The following HECW2 variants were observed in gnomAD, a reference collection of about 807,000 sequenced individuals.
The protein encoded by HECW2 is E3 ubiquitin-protein ligase HECW2.
Under a neutral mutation model 175.2 loss-of-function variants are expected in HECW2, and 61 were observed. The observed-to-expected ratio is 0.35, with a 90% confidence interval of 0.28 to 0.43. The LOEUF is 0.43. Ranked by LOEUF, HECW2 falls within the 20% of genes least tolerant of loss-of-function variation. HECW2 has a pLI of 1.00. For missense variants in HECW2, 1,524 were observed against 2,000.5 expected (o/e 0.76, Z 4.54); for synonymous variants, 671 against 731.0 (o/e 0.92, Z 1.32).
At chr2:196,270,559 T>C (rs1689690097) in intron 17 of HECW2, among the ~76,000 whole-genome samples, 1 of 152,236 alleles carries the variant, frequency 6.6e-6, no homozygotes, top group South Asian at 2.1e-4. Flanking sequence ...ATGCTACTTT[T>C]GCTTACTCAA....
intron 17 of HECW2, chr2:196,258,240 C>T (rs1689143647): frequency 4.0e-6 from 1 of 249,436 alleles, no homozygotes; most frequent in Non-Finnish European, 7.8e-6. Flanking sequence ...GACTGTGGGC[C>T]TGAATTTTAG....
In HECW2 at chr2:196,222,328, C is replaced by A. The variant is rs372810440; in HGVS notation, c.4029G>T (p.Leu1343=). ...YKALLRILCD[L]SDLEYLDEEF... ...CTTCATCAAGGTATTCTAGGTCACT[C>A]AGGTCACATAGACTAAGATGACAAA... Residue 1343 remains leucine (L), a synonymous_variant, in exon 24 of 29, where the codon CTG becomes CTT. Coordinates refer to ENST00000644978, the MANE Select transcript of HECW2 (RefSeq NM_001348768.2). 6.2e-7 allele frequency: 1 copy of A among 1,613,366 alleles called. No homozygotes were observed. The highest frequency in any genetic ancestry group is 1.7e-5 in the Admixed American group (1 of 59,930).
At chr2:196,531,805 T>C (rs549111635) in intron 1 of HECW2, among the ~76,000 whole-genome samples, 326 of 152,348 alleles carry the variant, frequency 2.1e-3, no homozygotes, top group Non-Finnish European at 4.1e-3. Flanking sequence ...TCTGGATCAC[T>C]ATTTAAAAAT....
chr2:196,248,675 G>C (rs566553937), intron 19 of HECW2, among the ~76,000 whole-genome samples: 1 of 147,112 alleles, frequency 6.8e-6, no homozygotes, highest in South Asian at 2.1e-4. Flanking sequence ...GGAAGAAAAG[G>C]AGAGAGAGAA....
At chr2:196,284,140 T>G (rs1417471074) in intron 14 of HECW2, among the ~76,000 whole-genome samples, 1 of 152,224 alleles carries the variant, frequency 6.6e-6, no homozygotes, top group African/African-American at 2.4e-5. Flanking sequence ...TGAATGAGGC[T>G]GACGGTAACA....
intron 1 of HECW2, among the ~76,000 whole-genome samples, chr2:196,576,826 A>T (rs1290387413): frequency 1.3e-5 from 2 of 152,170 alleles, no homozygotes; most frequent in Non-Finnish European, 2.9e-5. Flanking sequence ...TAAATATATA[A>T]TTTCTATTTG....
chr2:196,491,452 C>T (rs1687189422), intron 1 of HECW2, among the ~76,000 whole-genome samples: 2 of 139,854 alleles, frequency 1.4e-5, no homozygotes, highest in South Asian at 4.5e-4. Context: ...TATATACACA[C>T]TTAGGTATAT....
intron 1 of HECW2, among the ~76,000 whole-genome samples, chr2:196,532,404 C>T (rs565854613): frequency 6.6e-6 from 1 of 152,102 alleles, no homozygotes; most frequent in Non-Finnish European, 1.5e-5. Flanking sequence ...CACATATTCT[C>T]ACTCATAAGT....
At chr2:196,450,345 A>AT (rs1297398697) in intron 1 of HECW2, among the ~76,000 whole-genome samples, 4 of 152,056 alleles carry the variant, frequency 2.6e-5, no homozygotes, top group Non-Finnish European at 5.9e-5. Context: ...GGGTTACAGC[A>AT]TTTTTTCTGG....
chr2:196,574,370 C>T (rs142281801), intron 1 of HECW2, among the ~76,000 whole-genome samples: 1,866 of 151,502 alleles, frequency 0.012, 38 homozygotes, highest in African/African-American at 0.043. Flanking sequence ...GCAGAGGTTG[C>T]GGTGAGCAGA....
intron 28 of HECW2, among the ~76,000 whole-genome samples, chr2:196,204,449 T>C (rs1028128514): frequency 6.6e-6 from 1 of 152,200 alleles, no homozygotes; most frequent in African/African-American, 2.4e-5. Context: ...CTCACTGTTG[T>C]TGAATTTGAA....
chr2:196,332,675 A>G (rs1692410374), intron 4 of HECW2, among the ~76,000 whole-genome samples: 1 of 152,258 alleles, frequency 6.6e-6, no homozygotes, highest in Admixed American at 6.5e-5. Flanking sequence ...CAAGTCTAAA[A>G]AAATCTAAAT....
chr2:196,591,087 C>A (rs1188816162), intron 1 of HECW2, among the ~76,000 whole-genome samples: 2 of 152,194 alleles, frequency 1.3e-5, no homozygotes, highest in African/African-American at 4.8e-5. Flanking sequence ...CAGAAAAGCT[C>A]CAGCTGGTTT....
chr2:196,371,631 T>C (rs559118215), intron 2 of HECW2, among the ~76,000 whole-genome samples: 68 of 152,334 alleles, frequency 4.5e-4, no homozygotes, highest in African/African-American at 1.6e-3. Context: ...TAATAAAATT[T>C]TGGACTCATA....
intron 13 of HECW2, among the ~76,000 whole-genome samples, chr2:196,295,026 G>A (rs1690753600): frequency 6.6e-6 from 1 of 152,160 alleles, no homozygotes. Flanking sequence ...GAGGAGGAAG[G>A]GAAGAAGAAA....
chr2:196,334,393 C>G, intron 4 of HECW2, 31 bp downstream of exon 4: 1 of 1,536,520 alleles, frequency 6.5e-7, no homozygotes, highest in Non-Finnish European at 8.9e-7. Flanking sequence ...GCATGGATCT[C>G]ACAAGGAAGC....
At chr2:196,308,466 T>C (rs1400397628) in intron 10 of HECW2, among the ~76,000 whole-genome samples, 1 of 152,212 alleles carries the variant, frequency 6.6e-6, no homozygotes, top group Non-Finnish European at 1.5e-5. Context: ...AAAAACCTGA[T>C]TTCTCCATGT....
At chr2:196,287,135 A>G (rs1478030008) in intron 14 of HECW2, among the ~76,000 whole-genome samples, 1 of 152,208 alleles carries the variant, frequency 6.6e-6, no homozygotes, top group Non-Finnish European at 1.5e-5. Context: ...CATAACTGCT[A>G]TTTGCTGTGG....
At chr2:196,285,675 T>C (rs1456993863) in intron 14 of HECW2, among the ~76,000 whole-genome samples, 1 of 152,212 alleles carries the variant, frequency 6.6e-6, no homozygotes, top group Non-Finnish European at 1.5e-5. Context: ...GCTATTATTT[T>C]CTTTATGTCT....
Sources: allele counts gnomAD v4.1 joint callset (sites outside exome capture counted in the v4.1 genomes callset), GRCh38; gene constraint gnomAD v4.1.1; transcripts MANE v1.5; gene names NCBI Gene and HGNC (gene_info 2026-07-23, HGNC 2026-07-21).